TNC: variants seen among roughly 807,000 people sequenced by gnomAD.
TNC encodes the protein tenascin.
TNC carries 109 observed loss-of-function variants against 202.4 expected under a neutral mutation model. The ratio of observed to expected loss-of-function variants is 0.54; its 90% CI spans 0.46 to 0.63. The LOEUF is 0.63. Ranked by LOEUF, TNC falls within the 30% of genes least tolerant of loss-of-function variation. TNC has a pLI of 0.00. For missense variants in TNC, 2,756 were observed against 2,833.3 expected, an observed-to-expected ratio of 0.97 and a Z score of 0.62; for synonymous variants, 1,007 against 1,089.7, an observed-to-expected ratio of 0.92 and a Z score of 1.50.
chr9:115,040,816 C>T (rs908337426), intron 19 of TNC, 125 bp downstream of exon 19: 3 of 1,261,056 alleles, frequency 2.4e-6, no homozygotes, highest in African/African-American at 3.0e-5. Context: ...ATAAATAAAA[C>T]CCCCCTTTTT....
In TNC at chr9:115,048,504, G is replaced by A; in HGVS notation, c.4608C>T (p.Thr1536=). 6.2e-7 allele frequency: 1 copy of A among 1,613,598 alleles called. No homozygotes were observed. Among genetic ancestry groups the A allele is most frequent in the Non-Finnish European group, 8.5e-7 (1 of 1,179,880 alleles). The change falls in exon 16 of 28, where the codon ACC becomes ACT. Residue 1536 remains threonine, a synonymous_variant. Transcript: ENST00000350763. ...TEALPLLENL[T]ISDINPYGFT... is the part of the protein sequence containing the mutation. Reference sequence around the variant, plus strand: ...ACCCGTAGGGATTAATGTCGGAAATGGTTAGGTTTTCCAGAAGGGGCAGGG... The same window carrying A: ...ACCCGTAGGGATTAATGTCGGAAATAGTTAGGTTTTCCAGAAGGGGCAGGG...
chr9:115,114,551 T>C (rs1837316470), intron 1 of TNC, among the ~76,000 whole-genome samples: 1 of 152,232 alleles, frequency 6.6e-6, no homozygotes. Context: ...CATTGAGAGC[T>C]GACCTTTGCT....
intron 2 of TNC, among the ~76,000 whole-genome samples, chr9:115,087,584 C>T (rs899629614): frequency 2.0e-5 from 3 of 148,896 alleles, no homozygotes; most frequent in East Asian, 2.0e-4. Context: ...CCCTGGGGAG[C>T]GGATTCATAG....
intron 10 of TNC, among the ~76,000 whole-genome samples, chr9:115,068,845 T>C (rs1833144627): frequency 1.3e-5 from 2 of 152,180 alleles, no homozygotes; most frequent in Non-Finnish European, 2.9e-5. Flanking sequence ...AAACATCACT[T>C]CTTCCAAAAA....
intron 17 of TNC, among the ~76,000 whole-genome samples, 167 bp downstream of exon 17, chr9:115,046,243 A>G (rs955052859): frequency 2.6e-5 from 4 of 152,100 alleles, no homozygotes; most frequent in Admixed American, 1.3e-4. Flanking sequence ...CTTTTTTTGC[A>G]TAAGGACTTA....
intron 1 of TNC, among the ~76,000 whole-genome samples, chr9:115,110,520 G>T (rs975206181): frequency 1.3e-5 from 2 of 152,098 alleles, no homozygotes; most frequent in African/African-American, 4.8e-5. Flanking sequence ...TGGTGATCAA[G>T]AAAGTGGGGA....
chr9:115,074,368 C>A (rs1284579116), intron 9 of TNC, among the ~76,000 whole-genome samples: 1 of 152,146 alleles, frequency 6.6e-6, no homozygotes, highest in African/African-American at 2.4e-5. Flanking sequence ...ATAAAAGAGA[C>A]CTTGCCCCTT....
chr9:115,092,805 C>T lies in TNC; in HGVS notation c.-136-1651G>A, dbSNP rs749549446. Among the ~76,000 whole-genome samples the T allele has an allele frequency of 1.8e-4, 28 of 151,398 alleles. No homozygotes were observed. The Middle Eastern group carries it at 0.01, about 55-fold the overall frequency. On this transcript the variant is annotated intron_variant, in intron 1 of 27. Transcript: ENST00000350763. ...TTCACCATGTTCCCCAGGCTGGTCC[C>T]GAACTCCTGAGCTCAGGCAATCCAC...
chr9:115,040,183 A>G (rs1004298719), intron 19 of TNC, among the ~76,000 whole-genome samples: 1 of 152,254 alleles, frequency 6.6e-6, no homozygotes, highest in East Asian at 1.9e-4. Context: ...TTAGAAGGAT[A>G]GAGAGTTTGG....
At chr9:115,034,468 C>T (rs1830170378) in intron 22 of TNC, among the ~76,000 whole-genome samples, 1 of 152,200 alleles carries the variant, frequency 6.6e-6, no homozygotes, top group South Asian at 2.1e-4. Flanking sequence ...CCAAACTCAA[C>T]AACAGCAGCA....
At chr9:115,027,734 A>G (rs1243594510) in intron 25 of TNC, among the ~76,000 whole-genome samples, 1 of 152,190 alleles carries the variant, frequency 6.6e-6, no homozygotes, top group Non-Finnish European at 1.5e-5. Flanking sequence ...CTCTGCAGTT[A>G]GGTGGTTGGA....
chr9:115,084,466 G>C lies in TNC; in HGVS notation c.1874C>G (p.Pro625Arg). Residue 625 changes from proline to arginine, a missense_variant, in exon 4 of 28, where the codon CCT becomes CGT. By Grantham distance (103) the Pro-to-Arg change is moderately radical. Transcript: ENST00000350763. ...YSGEDCSEVS[P>R]PKDLVVTEVT... ...TTCTGTCACAACGAGGTCTTTGGGA[G>C]GAGACACTGGCAGGAATAAGAAAGG... 1 of 1,613,902 alleles carries C rather than the reference G, an allele frequency of 6.2e-7. No individual in the cohort carries two copies. The highest frequency in any genetic ancestry group is 1.1e-5 in the South Asian group (1 of 91,044).
At chr9:115,066,425 T>C (rs1432695579) in intron 10 of TNC, among the ~76,000 whole-genome samples, 1 of 152,254 alleles carries the variant, frequency 6.6e-6, no homozygotes, top group African/African-American at 2.4e-5. Flanking sequence ...ATGAGCCTTA[T>C]GTGTCCATTA....
chr9:115,043,816 A>G (rs879335337), intron 17 of TNC, among the ~76,000 whole-genome samples: 1 of 152,226 alleles, frequency 6.6e-6, no homozygotes, highest in Non-Finnish European at 1.5e-5. Flanking sequence ...AACCTGGTGT[A>G]CTCGCACTAT....
chr9:115,038,272 G>T lies in TNC; in HGVS notation c.5501C>A (p.Thr1834Lys), dbSNP rs1473406900. Residue 1834 changes from threonine to lysine, a missense_variant, in exon 20 of 28, where the codon ACA becomes AAA. Transcript: ENST00000350763. The stretch of plus-strand genomic sequence containing the variant: ...GGACAAAACCTTACCTTTCTCGCCT[G>T]TGTAGGAGATGACATAACTGTCCAC... ...ATVDSYVISYTGEKVPEITRT... is the reference protein window; with the variant it reads ...ATVDSYVISYKGEKVPEITRT... 1.2e-6 allele frequency: 2 copies of T among 1,614,066 alleles called. No homozygotes were observed. Among genetic ancestry groups the T allele is most frequent in the Non-Finnish European group, 1.7e-6 (2 of 1,179,932 alleles).
intron 4 of TNC, among the ~76,000 whole-genome samples, chr9:115,083,762 GC>G (rs1834490831): frequency 6.6e-6 from 1 of 152,004 alleles, no homozygotes; most frequent in African/African-American, 2.4e-5. Flanking sequence ...GCACCACCAG[GC>G]CCGACTAATT....
chr9:115,064,148 A>C (rs1295732084), intron 11 of TNC, 80 bp from the exon 12 acceptor site: 1 of 1,369,048 alleles, frequency 7.3e-7, no homozygotes, highest in Non-Finnish European at 9.9e-7. Flanking sequence ...GAATAAGCTG[A>C]ATAATAATAT....
Position 115,021,003 on chromosome 9 carries a change from C to A in TNC, c.*154G>T. 2 of 597,062 alleles carry A rather than the reference C, an allele frequency of 3.3e-6. No individual in the cohort carries two copies. Among genetic ancestry groups the A allele is most frequent in the Non-Finnish European group, 5.9e-6 (2 of 337,270 alleles). The allele number at this position is 597,062 out of a possible 1,614,324, so 37.0% of individuals were successfully genotyped here. On this transcript the variant is annotated 3_prime_UTR_variant, in exon 28 of 28. Coordinates refer to ENST00000350763, the MANE Select transcript of TNC (RefSeq NM_002160.4). ...AATCACAGAGGAGGTGAGGCCCATG[C>A]TGTTGCCGTTGGCCCCAGGGATCCA...
chr9:115,056,448 A>G (rs1437806940), intron 15 of TNC, among the ~76,000 whole-genome samples: 1 of 152,192 alleles, frequency 6.6e-6, no homozygotes, highest in African/African-American at 2.4e-5. Context: ...CAGACACCAC[A>G]AATTTAAAGT....
Sources: allele counts gnomAD v4.1 joint callset (sites outside exome capture counted in the v4.1 genomes callset), GRCh38; gene constraint gnomAD v4.1.1; transcripts MANE v1.5; gene names NCBI Gene and HGNC (gene_info 2026-07-23, HGNC 2026-07-21).